SPIDR: variants seen among roughly 807,000 people sequenced by gnomAD.
SPIDR encodes the protein DNA repair-scaffolding protein.
SPIDR carries 93 observed loss-of-function variants against 104.6 expected under a neutral mutation model. The ratio of observed to expected loss-of-function variants is 0.89; its 90% confidence interval spans 0.75 to 1.06. The LOEUF (loss-of-function observed/expected upper bound fraction) is 1.06, where lower values mean the gene tolerates loss of function less well. SPIDR is among the 50% of genes least tolerant of loss of function. SPIDR has a pLI of 0.00. For synonymous variants in SPIDR, 431 were observed against 416.9 expected (o/e 1.03, Z -0.41); for missense variants, 1,154 against 1,111.2 (o/e 1.04, Z -0.55).
At chr8:47,487,393 C>A (rs960107390) in intron 8 of SPIDR, among the ~76,000 whole-genome samples, 1 of 152,116 alleles carries the variant, frequency 6.6e-6, no homozygotes, top group Admixed American at 6.5e-5. Context: ...TAGACTCCCA[C>A]ACAATAATAA....
intron 10 of SPIDR, among the ~76,000 whole-genome samples, chr8:47,672,159 A>G (rs1281867242): frequency 6.6e-6 from 1 of 152,174 alleles, no homozygotes; most frequent in Non-Finnish European, 1.5e-5. Flanking sequence ...CAAGATCTCA[A>G]TACATTGTCC....
chr8:47,592,604 GC>G, intron 8 of SPIDR: 1 of 1,205,900 alleles, frequency 8.3e-7, no homozygotes, highest in Non-Finnish European at 1.2e-6. Flanking sequence ...GGGCAGCCCT[GC>G]CATCTTATCA....
intron 6 of SPIDR, 41 bp from the exon 7 acceptor site, chr8:47,407,820 T>A: frequency 7.8e-7 from 1 of 1,278,544 alleles, no homozygotes; most frequent in Non-Finnish European, 1.1e-6. Context: ...TCTGAAGTTT[T>A]CCTTTTAACT....
chr8:47,665,040 G>A (rs1257624832), intron 10 of SPIDR, among the ~76,000 whole-genome samples: 3 of 152,138 alleles, frequency 2.0e-5, no homozygotes, highest in African/African-American at 4.8e-5. Context: ...GGATGATGCC[G>A]AAAATATTTG....
chr8:47,619,969 T>C (rs193245793), intron 10 of SPIDR, among the ~76,000 whole-genome samples: 349 of 152,310 alleles, frequency 2.3e-3, no homozygotes, highest in Middle Eastern at 6.8e-3. Flanking sequence ...ATGCTAAAGA[T>C]TGACCAGAGA....
chr8:47,563,039 T>C (rs549329019), intron 8 of SPIDR, among the ~76,000 whole-genome samples: 7 of 145,362 alleles, frequency 4.8e-5, no homozygotes, highest in African/African-American at 7.9e-5. Flanking sequence ...TCTTTTCTCT[T>C]TTTTTTTTTT....
intron 5 of SPIDR, among the ~76,000 whole-genome samples, chr8:47,348,777 G>A (rs2052762722): frequency 1.3e-5 from 2 of 152,214 alleles, no homozygotes; most frequent in Non-Finnish European, 2.9e-5. Flanking sequence ...CGTAGTTCTC[G>A]TGCCGTGGCT....
intron 5 of SPIDR, chr8:47,294,520 A>G (rs2040491452): frequency 1.3e-5 from 2 of 153,764 alleles, no homozygotes. Flanking sequence ...GGCTAGTAAC[A>G]TAGGCACCCT....
chr8:47,700,292 T>C (rs2079975287), intron 11 of SPIDR, 111 bp from the exon 12 acceptor site: 2 of 1,092,388 alleles, frequency 1.8e-6, no homozygotes, highest in Non-Finnish European at 2.8e-6. Context: ...TCTCGAATTG[T>C]AGTTCCATGG....
chr8:47,372,617 C>T (rs922870355), intron 5 of SPIDR, among the ~76,000 whole-genome samples: 1 of 151,940 alleles, frequency 6.6e-6, no homozygotes, highest in Admixed American at 6.6e-5. Flanking sequence ...CAGAGCGAGA[C>T]TCCGTCTCAA....
In SPIDR at chr8:47,712,799, C is replaced by T. The variant is rs771584194; in HGVS notation, c.2115C>T (p.Gly705=). 6.2e-7 allele frequency: 1 copy of T among 1,614,130 alleles called. No individual in the cohort carries two copies. Among genetic ancestry groups the T allele is most frequent in the Non-Finnish European group, 8.5e-7 (1 of 1,180,040 alleles). Residue 705 remains glycine (G), a synonymous_variant, in exon 15 of 20, where the codon GGC becomes GGT. Transcript: ENST00000297423. ...LVYVAPLCVL[G]SEVLEALAGA... ...ATGTGGCCCCCTTGTGTGTGCTGGG[C>T]TCTGAAGTCCTGGAGGCACTCGCTG...
chr8:47,320,810 CAT>C (rs1295163731), intron 5 of SPIDR, among the ~76,000 whole-genome samples: 1 of 152,142 alleles, frequency 6.6e-6, no homozygotes, highest in Non-Finnish European at 1.5e-5. Flanking sequence ...AATCAATAAA[CAT>C]AATCCATCAT....
intron 8 of SPIDR, among the ~76,000 whole-genome samples, chr8:47,485,241 C>T (rs1463186477): frequency 2.0e-5 from 3 of 152,112 alleles, no homozygotes; most frequent in South Asian, 2.1e-4. Context: ...CACGGAGCCT[C>T]GCTCATTGCT....
At chr8:47,331,860 AT>A (rs1276131570) in intron 5 of SPIDR, among the ~76,000 whole-genome samples, 9 of 144,806 alleles carry the variant, frequency 6.2e-5, no homozygotes, top group Non-Finnish European at 7.5e-5. Flanking sequence ...GTACAGAAGT[AT>A]TTTTTTTTGA....
chr8:47,621,457 T>C (rs1484233794), intron 10 of SPIDR, among the ~76,000 whole-genome samples: 1 of 152,248 alleles, frequency 6.6e-6, no homozygotes, highest in Admixed American at 6.5e-5. Context: ...TTGGGTTATG[T>C]GATCTCTTCA....
chr8:47,309,189 G>A (rs1173363496), intron 5 of SPIDR, among the ~76,000 whole-genome samples: 4 of 152,172 alleles, frequency 2.6e-5, no homozygotes, highest in African/African-American at 9.7e-5. Context: ...TGCTTGTAAA[G>A]GGAAATCTGG....
intron 8 of SPIDR, among the ~76,000 whole-genome samples, chr8:47,515,349 A>G (rs2082960878): frequency 6.6e-6 from 1 of 152,200 alleles, no homozygotes; most frequent in Admixed American, 6.5e-5. Flanking sequence ...TGTTCTCCAA[A>G]CACTTAGCAA....
intron 5 of SPIDR, among the ~76,000 whole-genome samples, chr8:47,334,304 G>C (rs1488961524): frequency 6.6e-6 from 1 of 152,150 alleles, no homozygotes; most frequent in Non-Finnish European, 1.5e-5. Flanking sequence ...TGGTGTTATT[G>C]TGTTCAAATA....
At chr8:47,370,113 C>T (rs1338332169) in intron 5 of SPIDR, among the ~76,000 whole-genome samples, 2 of 151,958 alleles carry the variant, frequency 1.3e-5, no homozygotes, top group Non-Finnish European at 2.9e-5. Flanking sequence ...GTAGGCACAA[C>T]GATAGGTCAG....
Sources: allele counts gnomAD v4.1 joint callset (sites outside exome capture counted in the v4.1 genomes callset), GRCh38; gene constraint gnomAD v4.1.1; transcripts MANE v1.5; gene names NCBI Gene and HGNC (gene_info 2026-07-23, HGNC 2026-07-21).